Variants in IGFBP2 observed in about 807,000 individuals in gnomAD.
IGFBP2 encodes the protein insulin like growth factor binding protein 2, also known as insulin-like growth factor-binding protein 2.
IGFBP2 carries 12 observed loss-of-function variants against 26.2 expected under a neutral mutation model. The observed-to-expected ratio is 0.46, with a 90% CI of 0.29 to 0.74. The LOEUF (loss-of-function observed/expected upper bound fraction) is 0.74, where lower values mean the gene tolerates loss of function less well. Ranked by LOEUF, IGFBP2 falls within the 30% of genes least tolerant of loss-of-function variation. IGFBP2 has a pLI of 0.09. For synonymous variants in IGFBP2, 189 were observed against 200.6 expected (o/e 0.94, Z 0.49); for missense variants, 328 against 441.2 (o/e 0.74, Z 2.30).
rs546177777 is a variant in IGFBP2 at position 216,658,760 on chromosome 2, C to T, written c.443-1797C>T. On this transcript the variant is annotated intron_variant, in intron 1 of 3. Transcript: ENST00000233809. ...AGAGATGGGGTTTCACCATGTTGGCCAGGCTGGTCTTGAATTCCTGACCTC... is the reference window on the plus strand; with the variant it reads ...AGAGATGGGGTTTCACCATGTTGGCTAGGCTGGTCTTGAATTCCTGACCTC... Among the ~76,000 whole-genome samples, 5 of 152,040 alleles carry T rather than the reference C, an allele frequency of 3.3e-5. No individual in the cohort carries two copies. In the South Asian group the frequency reaches 1.0e-3, roughly 32 times the overall value.
intron 1 of IGFBP2, among the ~76,000 whole-genome samples, chr2:216,652,578 A>G (rs1252260161): frequency 6.6e-6 from 1 of 152,244 alleles, no homozygotes; most frequent in Non-Finnish European, 1.5e-5. Flanking sequence ...CAAAGCTGGC[A>G]TTCAGGGTTC....
Position 216,633,880 on chromosome 2 carries a change from GC to G in IGFBP2, c.361del (p.Leu121CysfsTer47). 1 of 1,583,748 alleles carries G rather than the reference GC, an allele frequency of 6.3e-7. No homozygotes were observed. The highest frequency in any genetic ancestry group is 8.6e-7 in the Non-Finnish European group (1 of 1,167,998). ...GCTATCCCCACCCGGGCTCCGAGCTGCCCCTGCAGGCGCTGGTCATGGGCGA... is the reference window on the plus strand; with the variant it reads ...GCTATCCCCACCCGGGCTCCGAGCTGCCCTGCAGGCGCTGGTCATGGGCGA... ...RCYPHPGSELPLQALVMGEGT... is the reference protein window; with the variant it reads ...RCYPHPGSELXLQALVMGEGT... On this transcript the variant is annotated frameshift_variant, in exon 1 of 4. Coordinates refer to ENST00000233809, the MANE Select transcript of IGFBP2 (RefSeq NM_000597.3). LOFTEE classifies it high-confidence loss of function.
chr2:216,655,902 CAAAAA>C (rs200162837), intron 1 of IGFBP2, among the ~76,000 whole-genome samples: 1 of 126,872 alleles, frequency 7.9e-6, no homozygotes. Context: ...CTCAAAAAAA[CAAAAA>C]AAAAAAATCA....
intron 3 of IGFBP2, 105 bp from the exon 4 acceptor site, chr2:216,663,835 G>C: frequency 8.2e-7 from 1 of 1,222,588 alleles, no homozygotes; most frequent in Non-Finnish European, 1.1e-6. Flanking sequence ...ACCCGGCAGC[G>C]CATGGGTAGC....
intron 1 of IGFBP2, among the ~76,000 whole-genome samples, chr2:216,643,320 G>A (rs377737327): frequency 6.6e-5 from 10 of 152,326 alleles, no homozygotes; most frequent in African/African-American, 2.4e-4. Context: ...TGTCTTCTGA[G>A]TACTGGGGCT....
chr2:216,633,128 C>CG (rs1697410938), upstream of IGFBP2: 1 of 152,350 alleles, frequency 6.6e-6, no homozygotes, highest in Admixed American at 6.5e-5. Flanking sequence ...GACAAAAGCA[C>CG]GCGCTCTTCT....
At chr2:216,653,035 GA>G (rs1366550649) in intron 1 of IGFBP2, among the ~76,000 whole-genome samples, 1 of 152,196 alleles carries the variant, frequency 6.6e-6, no homozygotes, top group Non-Finnish European at 1.5e-5. Context: ...ATAAAGAAAA[GA>G]AGAAAGAAGA....
At position 216,660,579 on chromosome 2, in the gene IGFBP2, A is replaced by G. The variant is rs779102663; in HGVS notation, c.465A>G (p.Glu155=). Residue 155 remains glutamate, a synonymous_variant, in exon 2 of 4, where the codon GAA becomes GAG. Coordinates refer to ENST00000233809, the MANE Select transcript of IGFBP2 (RefSeq NM_000597.3). ...CAGACAATGGCGATGACCACTCAGA[A>G]GGAGGCCTGGTGGAGAACCACGTGG... ...QVADNGDDHS[E]GGLVENHVDS... 5.0e-6 allele frequency: 8 copies of G among 1,610,618 alleles called. No individual in the cohort carries two copies. In the East Asian group the frequency reaches 1.6e-4, roughly 31 times the overall value.
chr2:216,660,393 A>T (rs72547230), intron 1 of IGFBP2, among the ~76,000 whole-genome samples, 164 bp from the exon 2 acceptor site: 32 of 152,244 alleles, frequency 2.1e-4, no homozygotes, highest in Middle Eastern at 3.4e-3. Flanking sequence ...GCTGAAATTG[A>T]TCATCCATAT....
chr2:216,635,347 C>T (rs560352752), intron 1 of IGFBP2, among the ~76,000 whole-genome samples: 53 of 152,236 alleles, frequency 3.5e-4, no homozygotes, highest in Non-Finnish European at 4.7e-4. Flanking sequence ...TCCTGCTTCT[C>T]TTAGAAAGTA....
intron 1 of IGFBP2, among the ~76,000 whole-genome samples, chr2:216,636,768 G>A (rs956840138): frequency 6.6e-6 from 1 of 152,210 alleles, no homozygotes; most frequent in African/African-American, 2.4e-5. Context: ...GGTTCCTTCA[G>A]TATCTCCCCA....
chr2:216,636,783 CCTT>C (rs1407331530), intron 1 of IGFBP2, among the ~76,000 whole-genome samples: 1 of 152,208 alleles, frequency 6.6e-6, no homozygotes, highest in African/African-American at 2.4e-5. Context: ...TCCCCAGCCT[CCTT>C]CCCTACCGTG....
At chr2:216,643,037 T>C (rs986211426) in intron 1 of IGFBP2, among the ~76,000 whole-genome samples, 1 of 152,186 alleles carries the variant, frequency 6.6e-6, no homozygotes, top group East Asian at 1.9e-4. Context: ...ACATATGGCA[T>C]GCTCAAGGGT....
chr2:216,639,923 G>A (rs184179677), intron 1 of IGFBP2, among the ~76,000 whole-genome samples: 118 of 152,260 alleles, frequency 7.7e-4, no homozygotes, highest in Non-Finnish European at 1.4e-3. Flanking sequence ...GAGTACAGGC[G>A]TGAACCACTG....
intron 1 of IGFBP2, among the ~76,000 whole-genome samples, chr2:216,647,878 T>A (rs1697745472): frequency 6.6e-6 from 1 of 152,134 alleles, no homozygotes; most frequent in Non-Finnish European, 1.5e-5. Context: ...TGGAATGCAA[T>A]TGCACGATCT....
intron 2 of IGFBP2, chr2:216,661,377 T>A (rs992778829): frequency 3.5e-6 from 1 of 286,792 alleles, no homozygotes; most frequent in African/African-American, 2.2e-5. Context: ...GCGCTGGGAT[T>A]ACAGGCGCCA....
At position 216,664,141 on chromosome 2, in the gene IGFBP2, G is replaced by A. The variant is rs748236881; in HGVS notation, c.*37G>A. On this transcript the variant is annotated 3_prime_UTR_variant, in exon 4 of 4. Transcript: ENST00000233809. This position sits in a 1 kb window ranked among gnomAD's most constrained non-coding sequence, Gnocchi z 4.6. ...CCGGTGCCTGGCGCCCCTGCCCCCC[G>A]CCCCTCTCCAAACACCGGCAGAAAA... 20 of 1,493,082 alleles carry A rather than the reference G, an allele frequency of 1.3e-5. No individual in the cohort carries two copies. The East Asian group carries it at 1.7e-4, about 12-fold the overall frequency. 92.5% of individuals were successfully genotyped at this position (1,493,082 alleles called of 1,614,324 possible).
rs780622012 is a variant in IGFBP2 at position 216,633,982 on chromosome 2, C to A, written c.442+17C>A. The A allele has an allele frequency of 8.8e-6, 14 of 1,584,288 alleles. No homozygotes were observed. In the South Asian group the frequency reaches 1.6e-4, roughly 18 times the overall value. The stretch of plus-strand genomic sequence containing the variant: ...AGGTTGCAGGTAACGCGGTCTGGAA[C>A]AAGTAGTTGGGAGAAACTTGGAGGG... On this transcript the variant is annotated intron_variant, in intron 1 of 3. Coordinates refer to ENST00000233809, the MANE Select transcript of IGFBP2 (RefSeq NM_000597.3).
At chr2:216,634,753 A>ACCCC (rs1336717030) in intron 1 of IGFBP2, among the ~76,000 whole-genome samples, 3 of 92,144 alleles carry the variant, frequency 3.3e-5, no homozygotes, top group Non-Finnish European at 6.5e-5. Context: ...ATGCGTTGCC[A>ACCCC]CCCCCCACCC....
Sources: allele counts gnomAD v4.1 joint callset (sites outside exome capture counted in the v4.1 genomes callset), GRCh38; gene constraint gnomAD v4.1.1; non-coding constraint Gnocchi (gnomAD v3.1); transcripts MANE v1.5; gene names NCBI Gene and HGNC (gene_info 2026-07-23, HGNC 2026-07-21).